The following GRIK1 variants were observed in gnomAD, a reference collection of about 807,000 sequenced individuals.
The protein encoded by GRIK1 is glutamate receptor ionotropic, kainate 1.
Under a neutral mutation model 105.7 loss-of-function variants are expected in GRIK1, and 69 were observed. That is an observed-to-expected ratio of 0.65 (90% CI 0.54 to 0.80). The LOEUF is 0.80. Among genes scored for constraint, GRIK1 ranks in the 30% least tolerant of loss-of-function variants. The probability of loss-of-function intolerance (pLI) is 0.00; values close to 1 mark genes in which losing one functional copy is unlikely to be tolerated. For missense variants in GRIK1, 1,109 were observed against 1,167.3 expected (o/e 0.95, Z 0.73); for synonymous variants, 438 against 431.3 (o/e 1.02, Z -0.19).
At chr21:29,641,543 ATAT>A (rs2039526551) in intron 7 of GRIK1, among the ~76,000 whole-genome samples, 1 of 152,186 alleles carries the variant, frequency 6.6e-6, no homozygotes, top group Non-Finnish European at 1.5e-5. Context: ...TGCCCAGGTT[ATAT>A]TGCTCATCAG....
chr21:29,713,113 C>T (rs563732006), intron 1 of GRIK1, among the ~76,000 whole-genome samples: 43 of 152,140 alleles, frequency 2.8e-4, no homozygotes, highest in South Asian at 1.7e-3. Context: ...CAGCAGCTGT[C>T]GGCACACTGC....
intron 7 of GRIK1, among the ~76,000 whole-genome samples, chr21:29,623,392 C>A (rs2062051862): frequency 6.6e-6 from 1 of 151,888 alleles, no homozygotes; most frequent in Non-Finnish European, 1.5e-5. Context: ...CACAGCCAAA[C>A]CATATCAGTT....
chr21:29,874,688 A>G (rs934840751), intron 1 of GRIK1, among the ~76,000 whole-genome samples: 2 of 152,200 alleles, frequency 1.3e-5, no homozygotes, highest in Admixed American at 6.5e-5. Flanking sequence ...AGTATGGACA[A>G]CCAGTTGGAA....
In GRIK1 at chr21:29,853,216, T is replaced by C. The variant is rs143739905; in HGVS notation, c.118+86167A>G. On this transcript the variant is annotated intron_variant, in intron 1 of 17. Coordinates refer to ENST00000327783, the MANE Select transcript of GRIK1 (RefSeq NM_001330994.2). The stretch of plus-strand genomic sequence containing the variant: ...ATAATGAAGCTTCCTCTCAAGTAAG[T>C]AAAGGCTCAATACTTGAAAGAAAAG... 1.3e-4 allele frequency among the ~76,000 whole-genome samples: 20 copies of C among 152,326 alleles called. No individual in the cohort carries two copies. The East Asian group carries it at 3.7e-3, about 28-fold the overall frequency.
At chr21:29,669,553 C>T (rs147456052) in intron 4 of GRIK1, among the ~76,000 whole-genome samples, 7 of 152,216 alleles carry the variant, frequency 4.6e-5, no homozygotes, top group African/African-American at 1.7e-4. Context: ...AGTGAGCACA[C>T]AGGCTCTGAG....
At chr21:29,842,230 A>G (rs1262263558) in intron 1 of GRIK1, among the ~76,000 whole-genome samples, 1 of 151,976 alleles carries the variant, frequency 6.6e-6, no homozygotes, top group Non-Finnish European at 1.5e-5. Context: ...GTTTGGGTTG[A>G]TGGTTAGAAA....
intron 1 of GRIK1, among the ~76,000 whole-genome samples, chr21:29,715,531 T>C (rs146417818): frequency 1.2e-4 from 18 of 151,950 alleles, no homozygotes; most frequent in Non-Finnish European, 1.5e-5. Context: ...AATATCTCAA[T>C]TGTGAGTGAA....
chr21:29,580,455 C>T (rs1314644163), intron 13 of GRIK1, among the ~76,000 whole-genome samples: 1 of 149,516 alleles, frequency 6.7e-6, no homozygotes, highest in Admixed American at 6.8e-5. Flanking sequence ...CAACTATTTA[C>T]TATTTCAGTA....
At chr21:29,721,600 C>A (rs1440917449) in intron 1 of GRIK1, among the ~76,000 whole-genome samples, 3 of 138,868 alleles carry the variant, frequency 2.2e-5, no homozygotes, top group Admixed American at 7.1e-5. Context: ...AGAATACATA[C>A]CAAAAAAAAA....
intron 7 of GRIK1, among the ~76,000 whole-genome samples, chr21:29,632,863 T>C (rs1005593077): frequency 6.6e-6 from 1 of 152,230 alleles, no homozygotes; most frequent in Non-Finnish European, 1.5e-5. Context: ...ACATTTCTTG[T>C]TGGAGACTGT....
At chr21:29,737,635 T>C (rs942590090) in intron 1 of GRIK1, among the ~76,000 whole-genome samples, 1 of 152,238 alleles carries the variant, frequency 6.6e-6, no homozygotes, top group African/African-American at 2.4e-5. Flanking sequence ...TCACTTCAAA[T>C]CTCATGCTAA....
chr21:29,613,699 A>G (rs966353840), intron 7 of GRIK1, among the ~76,000 whole-genome samples: 1 of 152,206 alleles, frequency 6.6e-6, no homozygotes, highest in Non-Finnish European at 1.5e-5. Flanking sequence ...TGTGGCTAGT[A>G]TGGCCAATGT....
At chr21:29,872,430 T>A (rs1318918120) in intron 1 of GRIK1, among the ~76,000 whole-genome samples, 1 of 152,064 alleles carries the variant, frequency 6.6e-6, no homozygotes, top group Non-Finnish European at 1.5e-5. Flanking sequence ...CCTGACCTTG[T>A]GATCCGCCCG....
chr21:29,727,898 A>G (rs1475819884), intron 1 of GRIK1, among the ~76,000 whole-genome samples: 1 of 152,182 alleles, frequency 6.6e-6, no homozygotes, highest in Non-Finnish European at 1.5e-5. Flanking sequence ...AGCCCCGGAA[A>G]AGCCAGTCTG....
intron 1 of GRIK1, among the ~76,000 whole-genome samples, chr21:29,874,045 G>T (rs918227538): frequency 3.5e-4 from 53 of 152,196 alleles, no homozygotes; most frequent in Non-Finnish European, 4.4e-5. Flanking sequence ...CTGAGAGGAG[G>T]TGGAGCTCAG....
intron 1 of GRIK1, among the ~76,000 whole-genome samples, chr21:29,769,824 G>C (rs2065769328): frequency 6.6e-6 from 1 of 152,044 alleles, no homozygotes; most frequent in Non-Finnish European, 1.5e-5. Context: ...CTAACATCTT[G>C]ATTTCAGCCT....
rs1490063229 is a variant in GRIK1, at chr21:29,650,669, G to A, written c.954+449C>T. Among the ~76,000 whole-genome samples, 5 of 152,204 alleles carry A rather than the reference G, an allele frequency of 3.3e-5. No individual in the cohort carries two copies. In the East Asian group the frequency reaches 9.6e-4, roughly 29 times the overall value. Reference sequence around the variant, plus strand: ...CCTATACGCATCCAGGACAGGAAGAGCTGAATACACCGACTGTTTGTAAAT... The same window carrying A: ...CCTATACGCATCCAGGACAGGAAGAACTGAATACACCGACTGTTTGTAAAT... On this transcript the variant is annotated intron_variant, in intron 6 of 17. Coordinates refer to ENST00000327783, the MANE Select transcript of GRIK1 (RefSeq NM_001330994.2).
chr21:29,546,403 C>A (rs540016541), intron 16 of GRIK1, among the ~76,000 whole-genome samples: 18 of 152,098 alleles, frequency 1.2e-4, no homozygotes, highest in Middle Eastern at 3.4e-3. Context: ...CTTATCACCT[C>A]CTGGCCCTTC....
chr21:29,725,584 G>A (rs1178315295), intron 1 of GRIK1, among the ~76,000 whole-genome samples: 1 of 152,130 alleles, frequency 6.6e-6, no homozygotes, highest in Non-Finnish European at 1.5e-5. Flanking sequence ...GACTGCATAC[G>A]ACCAGGTGTA....
Sources: allele counts gnomAD v4.1 joint callset (sites outside exome capture counted in the v4.1 genomes callset), GRCh38; gene constraint gnomAD v4.1.1; transcripts MANE v1.5; gene names NCBI Gene and HGNC (gene_info 2026-07-23, HGNC 2026-07-21).